The following DENND5B variants were observed in gnomAD, a reference collection of about 807,000 sequenced individuals.
DENND5B encodes DENN domain containing 5B.
In DENND5B, 34 loss-of-function variants were observed where a neutral mutation model predicts 140.6. The ratio of observed to expected loss-of-function variants is 0.24; its 90% CI spans 0.18 to 0.32. The LOEUF (loss-of-function observed/expected upper bound fraction) is 0.32, where lower values mean the gene tolerates loss of function less well. DENND5B is among the 10% of genes least tolerant of loss of function. The pLI, the probability that DENND5B is intolerant of heterozygous loss-of-function variation, is 1.00. For synonymous variants in DENND5B, 551 were observed against 562.1 expected (o/e 0.98, Z 0.28); for missense variants, 1,142 against 1,560.2 (o/e 0.73, Z 4.52).
At chr12:31,400,791 A>G (rs1941746483) in intron 15 of DENND5B, among the ~76,000 whole-genome samples, 1 of 151,424 alleles carries the variant, frequency 6.6e-6, no homozygotes, top group Non-Finnish European at 1.5e-5. Context: ...GCTAGCAAAT[A>G]CTAGGTCTTA....
chr12:31,410,567 A>AGT (rs1942393366), intron 13 of DENND5B, among the ~76,000 whole-genome samples: 3 of 151,930 alleles, frequency 2.0e-5, no homozygotes, highest in Non-Finnish European at 4.4e-5. Flanking sequence ...TACCACACTC[A>AGT]ACTAATTTTT....
At chr12:31,495,124 C>A (rs1946706502) in intron 2 of DENND5B, among the ~76,000 whole-genome samples, 1 of 152,130 alleles carries the variant, frequency 6.6e-6, no homozygotes, top group Non-Finnish European at 1.5e-5. Flanking sequence ...GCCTACCATA[C>A]AATATTCCTT....
chr12:31,433,195 T>C lies in DENND5B; in HGVS notation c.2066A>G (p.Gln689Arg), dbSNP rs755824758. The change falls in exon 8 of 21, where the codon CAG (glutamine) becomes CGG (arginine). Residue 689 changes from glutamine to arginine, a missense_variant. Gln to Arg is a conservative substitution (Grantham distance 43, BLOSUM62 1). Transcript: ENST00000389082. ...GTCCAGCCCAACATGCTCAGAATGC[T>C]GGCGAAGGCGTTCTTTCCTGCGCTG... ...TAQRRKERLR[Q>R]HSEHVGLDND... 5 of 1,613,994 alleles carry C rather than the reference T, an allele frequency of 3.1e-6. No homozygotes were observed. The highest frequency in any genetic ancestry group is 1.7e-5 in the Admixed American group (1 of 60,024).
intron 4 of DENND5B, 145 bp from the exon 5 acceptor site, chr12:31,452,621 C>T (rs937070414): frequency 4.8e-5 from 38 of 793,308 alleles, no homozygotes; most frequent in Admixed American, 4.2e-4. Flanking sequence ...CCCAGGGGTT[C>T]GAGACAAGAC....
At chr12:31,441,041 T>C (rs1006432584) in intron 7 of DENND5B, among the ~76,000 whole-genome samples, 2 of 151,456 alleles carry the variant, frequency 1.3e-5, no homozygotes, top group Admixed American at 6.6e-5. Flanking sequence ...TGGCCTAATT[T>C]AAAAAAAAAT....
intron 1 of DENND5B, among the ~76,000 whole-genome samples, chr12:31,515,939 G>A (rs1947621734): frequency 6.6e-6 from 1 of 152,116 alleles, no homozygotes; most frequent in Non-Finnish European, 1.5e-5. Context: ...GACAATTATA[G>A]CACAATGGAG....
chr12:31,509,225 C>T (rs1347675181), intron 1 of DENND5B, among the ~76,000 whole-genome samples: 1 of 152,204 alleles, frequency 6.6e-6, no homozygotes, highest in Non-Finnish European at 1.5e-5. Flanking sequence ...TCAACGTTTA[C>T]ACAACCAAGC....
At position 31,413,476 on chromosome 12, in the gene DENND5B, G is replaced by T; in HGVS notation, c.2641C>A (p.Gln881Lys). ...TTAGAAAGCAACTGCTTAAGATGCT[G>T]GGACAAGAGCTTCTTTTCTAGAGAC... ...RLSLEKKLLSQHLKQLLSNQP... is the reference protein window; with the variant it reads ...RLSLEKKLLSKHLKQLLSNQP... Residue 881 changes from glutamine to lysine, a missense_variant, in exon 13 of 21, where the codon CAG becomes AAG. This residue lies in a region of DENND5B where 268 missense variants were observed against 349.2 expected (regional missense o/e 0.77). Transcript: ENST00000389082. 6.2e-7 allele frequency: 1 copy of T among 1,613,842 alleles called. No homozygotes were observed. The highest frequency in any genetic ancestry group is 8.5e-7 in the Non-Finnish European group (1 of 1,179,788).
At position 31,396,056 on chromosome 12, in the gene DENND5B, G is replaced by GTTTTTTT. The variant is rs34089984; in HGVS notation, c.3256+2112_3256+2118dup. Among the ~76,000 whole-genome samples, 106 of 112,210 alleles carry GTTTTTTT rather than the reference G, an allele frequency of 9.4e-4. 2 individuals are homozygous for GTTTTTTT. Among genetic ancestry groups the GTTTTTTT allele is most frequent in the South Asian group, 2.9e-3 (10 of 3,392 alleles). 73.6% of individuals were successfully genotyped at this position (112,210 alleles called of 152,430 possible). On this transcript the variant is annotated intron_variant, in intron 17 of 20. Transcript: ENST00000389082. ...CTTCTGGTGGCTGTTGGCATTCCTT[G>GTTTTTTT]TTTTTTTTTTTTTTTTTTTTTTGAG...
chr12:31,395,288 T>G (rs1450824597), intron 17 of DENND5B, among the ~76,000 whole-genome samples: 1 of 152,182 alleles, frequency 6.6e-6, no homozygotes, highest in Non-Finnish European at 1.5e-5. Context: ...TCACCAATAT[T>G]TGTTGCTATA....
At chr12:31,515,311 C>T (rs1259360) in intron 1 of DENND5B, among the ~76,000 whole-genome samples, 96,440 of 151,944 alleles carry the variant, frequency 0.63, 30,771 homozygotes, top group Admixed American at 0.74. Context: ...TCTCTAAATA[C>T]ATACACATAC....
intron 4 of DENND5B, among the ~76,000 whole-genome samples, chr12:31,458,803 ATAGC>A (rs1944890868): frequency 1.3e-5 from 2 of 152,356 alleles, no homozygotes; most frequent in East Asian, 1.9e-4. Context: ...TGTGAATTAA[ATAGC>A]TAGTGATATA....
At chr12:31,401,959 C>A (rs917420353) in intron 15 of DENND5B, among the ~76,000 whole-genome samples, 1 of 151,468 alleles carries the variant, frequency 6.6e-6, no homozygotes, top group African/African-American at 2.4e-5. Context: ...CTATAAATGT[C>A]ACCATGTGGT....
At chr12:31,427,993 T>C (rs1424222066) in intron 8 of DENND5B, among the ~76,000 whole-genome samples, 2 of 152,184 alleles carry the variant, frequency 1.3e-5, no homozygotes, top group African/African-American at 4.8e-5. Flanking sequence ...ATTCCACTAA[T>C]CTGTTTACCT....
chr12:31,425,293 C>T (rs570661176), intron 9 of DENND5B, among the ~76,000 whole-genome samples: 229 of 152,170 alleles, frequency 1.5e-3, no homozygotes, highest in African/African-American at 5.2e-3. Context: ...CAGCCCGCTG[C>T]GTGATAGAGC....
At chr12:31,394,975 T>G (rs1276749801) in intron 17 of DENND5B, among the ~76,000 whole-genome samples, 17 of 152,152 alleles carry the variant, frequency 1.1e-4, no homozygotes, top group Admixed American at 1.1e-3. Context: ...TGATCTACTT[T>G]CTATTATTAT....
In DENND5B at chr12:31,520,899, T is replaced by G. The variant is rs558078942; in HGVS notation, c.128-24980A>C. On this transcript the variant is annotated intron_variant, in intron 1 of 20. Transcript: ENST00000389082. ...GGAAAAATTCATCATGACAATAAAT[T>G]TTACTTCTTGTATCCAAAATATTGC... is the stretch of plus-strand genomic sequence containing the variant. Among the ~76,000 whole-genome samples the G allele has an allele frequency of 2.9e-4, 44 of 152,164 alleles. No homozygotes were observed. The South Asian group carries it at 8.9e-3, about 31-fold the overall frequency.
intron 3 of DENND5B, among the ~76,000 whole-genome samples, chr12:31,466,712 C>T (rs865905964): frequency 8.3e-6 from 1 of 120,474 alleles, no homozygotes; most frequent in Non-Finnish European, 1.8e-5. Context: ...ACAACAACAA[C>T]AACAAAAAAA....
chr12:31,583,810 G>A (rs1346083812), intron 1 of DENND5B, among the ~76,000 whole-genome samples: 1 of 152,184 alleles, frequency 6.6e-6, no homozygotes, highest in Admixed American at 6.5e-5. Context: ...TAGGACAGTG[G>A]CCACCACTTA....
Sources: gnomAD v4.1 joint callset for allele counts (sites outside exome capture counted in the v4.1 genomes callset) on GRCh38, gnomAD v4.1.1 for gene constraint, gnomAD v4.1.1 regional missense constraint, MANE v1.5 for transcripts, NCBI Gene and HGNC (gene_info 2026-07-23, HGNC 2026-07-21) for gene names.